FHL5: variants seen among roughly 807,000 people sequenced by gnomAD.
FHL5 encodes four and a half LIM domains protein 5.
A neutral mutation model predicts 32.0 loss-of-function variants in FHL5; 33 were observed. The ratio of observed to expected loss-of-function variants is 1.03; its 90% CI spans 0.78 to 1.38. The LOEUF is 1.38. Among genes scored for constraint, FHL5 ranks in the 40% most tolerant of loss-of-function variants. The pLI, the probability that FHL5 is intolerant of heterozygous loss-of-function variation, is 0.00. For synonymous variants in FHL5, 114 were observed against 113.6 expected (o/e 1.00, Z -0.02); for missense variants, 336 against 343.9 (o/e 0.98, Z 0.18).
rs1227876153 is a variant in FHL5 at position 96,617,676 on chromosome 6, T to C, written c.*1904T>C. Among the ~76,000 whole-genome samples, 1 of 152,196 alleles carries C rather than the reference T, an allele frequency of 6.6e-6. No individual in the cohort carries two copies. The highest frequency in any genetic ancestry group is 1.5e-5 in the Non-Finnish European group (1 of 68,026). On this transcript the variant is annotated 3_prime_UTR_variant, in exon 6 of 6. Transcript: ENST00000450218. ...CAAGCCACTTAGGTTTAGATAGATA[T>C]ATAACATGTAACATCTTCTCTGTTA...
intron 5 of FHL5, 123 bp downstream of exon 5, chr6:96,610,881 A>G: frequency 1.4e-6 from 1 of 696,504 alleles, no homozygotes; most frequent in South Asian, 2.0e-5. Context: ...TCCTTTTGAG[A>G]TAAACACAAG....
chr6:96,594,102 C>T (rs558613352), intron 1 of FHL5, among the ~76,000 whole-genome samples: 39 of 150,482 alleles, frequency 2.6e-4, no homozygotes, highest in African/African-American at 9.3e-4. Context: ...AAACATAAGC[C>T]CCCACAGGGA....
chr6:96,604,954 A>C (rs749794477), intron 3 of FHL5, 30 bp downstream of exon 3: 8 of 1,529,930 alleles, frequency 5.2e-6, no homozygotes, highest in Non-Finnish European at 7.1e-6. Flanking sequence ...CCTGTCTCTA[A>C]CTGAAGCTGT....
intron 1 of FHL5, among the ~76,000 whole-genome samples, chr6:96,576,966 C>G (rs1770596889): frequency 6.6e-6 from 1 of 152,172 alleles, no homozygotes; most frequent in African/African-American, 2.4e-5. Context: ...AGCATAAAAA[C>G]CTGAGATCAA....
In FHL5 at chr6:96,604,853, T is replaced by C. The variant is rs1482969006; in HGVS notation, c.263T>C (p.Leu88Pro). The change falls in exon 3 of 6, where the codon CTG (leucine) becomes CCG (proline). Residue 88 changes from leucine (L) to proline (P), a missense_variant. Coordinates refer to ENST00000450218, the MANE Select transcript of FHL5 (RefSeq NM_001322466.2). ...EKPFAAKDERLLCTECYSNEC... is the reference protein window; with the variant it reads ...EKPFAAKDERPLCTECYSNEC... ...CCTTTTGCTGCCAAGGATGAGCGCC[T>C]GCTGTGCACGGAGTGCTATTCTAAC... 1.2e-6 allele frequency: 2 copies of C among 1,613,924 alleles called. No individual in the cohort carries two copies. The highest frequency in any genetic ancestry group is 1.7e-6 in the Non-Finnish European group (2 of 1,179,914).
chr6:96,569,963 T>A (rs963963601), intron 1 of FHL5, among the ~76,000 whole-genome samples: 1 of 151,962 alleles, frequency 6.6e-6, no homozygotes, highest in Non-Finnish European at 1.5e-5. Flanking sequence ...CTTGTATATC[T>A]TTTGTTCCTT....
intron 1 of FHL5, among the ~76,000 whole-genome samples, chr6:96,594,127 T>C (rs907160964): frequency 1.0e-4 from 15 of 150,396 alleles, no homozygotes; most frequent in African/African-American, 2.2e-4. Context: ...ATTATACTTA[T>C]GTTAAATATT....
At chr6:96,598,552 T>A (rs749469788) in intron 1 of FHL5, among the ~76,000 whole-genome samples, 2 of 152,150 alleles carry the variant, frequency 1.3e-5, no homozygotes, top group Non-Finnish European at 2.9e-5. Context: ...TTTAAGGGGG[T>A]GGCTTTCAAC....
chr6:96,583,853 A>G (rs911606626), intron 1 of FHL5, among the ~76,000 whole-genome samples: 2 of 152,144 alleles, frequency 1.3e-5, no homozygotes, highest in African/African-American at 4.8e-5. Context: ...CGTGTAACAG[A>G]TATGAATTAA....
At chr6:96,611,427 G>A (rs1771406439) in intron 5 of FHL5, among the ~76,000 whole-genome samples, 1 of 152,030 alleles carries the variant, frequency 6.6e-6, no homozygotes, top group Admixed American at 6.6e-5. Context: ...ATGTTAAAGA[G>A]GTTTTCAAGG....
intron 1 of FHL5, among the ~76,000 whole-genome samples, chr6:96,582,438 A>T (rs1770714128): frequency 6.6e-6 from 1 of 152,162 alleles, no homozygotes; most frequent in African/African-American, 2.4e-5. Context: ...AAATATTGTT[A>T]TATGCTATTA....
At chr6:96,612,405 C>A (rs1464865562) in intron 5 of FHL5, among the ~76,000 whole-genome samples, 2 of 152,098 alleles carry the variant, frequency 1.3e-5, no homozygotes, top group African/African-American at 2.4e-5. Context: ...AGGAAATTAA[C>A]AACTCAAAAT....
intron 1 of FHL5, among the ~76,000 whole-genome samples, chr6:96,600,341 A>C (rs1174702422): frequency 1.3e-5 from 2 of 152,192 alleles, no homozygotes; most frequent in Non-Finnish European, 2.9e-5. Context: ...TCCTTAATGT[A>C]CCCAGGTGAA....
chr6:96,581,350 CATG>C (rs1562054626), intron 1 of FHL5, among the ~76,000 whole-genome samples: 2 of 152,138 alleles, frequency 1.3e-5, no homozygotes, highest in Non-Finnish European at 2.9e-5. Context: ...TTTCATAAAT[CATG>C]ATACTAAACA....
At chr6:96,584,840 T>C (rs1167454714) in intron 1 of FHL5, among the ~76,000 whole-genome samples, 1 of 152,168 alleles carries the variant, frequency 6.6e-6, no homozygotes, top group African/African-American at 2.4e-5. Flanking sequence ...TAAACTAATA[T>C]TTAAATAATG....
At chr6:96,566,659 A>AT (rs569064620) in intron 1 of FHL5, among the ~76,000 whole-genome samples, 228 of 147,762 alleles carry the variant, frequency 1.5e-3, no homozygotes, top group African/African-American at 3.7e-3. Context: ...CCTTGTCAGC[A>AT]TTTTTTTTTT....
Position 96,610,642 on chromosome 6 carries a change from G to A in FHL5, c.575G>A (p.Cys192Tyr). The A allele has an allele frequency of 6.2e-7, 1 of 1,613,598 alleles. No individual in the cohort carries two copies. The highest frequency in any genetic ancestry group is 8.5e-7 in the Non-Finnish European group (1 of 1,179,562). ...AAAGAGTGTTTTCTGTGTAGTGGCT[G>A]TAGGAAAGATCTCTGTGAAGAACAG... ...WHKECFLCSG[C>Y]RKDLCEEQFM... The change falls in exon 5 of 6, where the codon TGT (cysteine) becomes TAT (tyrosine). Residue 192 changes from cysteine (C) to tyrosine (Y), a missense_variant. Transcript: ENST00000450218.
At chr6:96,597,920 C>T (rs1771069160) in intron 1 of FHL5, among the ~76,000 whole-genome samples, 1 of 152,072 alleles carries the variant, frequency 6.6e-6, no homozygotes, top group African/African-American at 2.4e-5. Flanking sequence ...TTTTGGTTTG[C>T]TCATCCATCA....
At chr6:96,596,544 C>T (rs770108525) in intron 1 of FHL5, among the ~76,000 whole-genome samples, 1 of 151,946 alleles carries the variant, frequency 6.6e-6, no homozygotes, top group Non-Finnish European at 1.5e-5. Flanking sequence ...AACACTGTGA[C>T]CTTCACGATA....
Sources: gnomAD v4.1 joint callset for allele counts (sites outside exome capture counted in the v4.1 genomes callset) on GRCh38, gnomAD v4.1.1 for gene constraint, MANE v1.5 for transcripts, NCBI Gene and HGNC (gene_info 2026-07-23, HGNC 2026-07-21) for gene names.